FAM227B: variants seen among roughly 807,000 people sequenced by gnomAD.
The protein encoded by FAM227B is protein FAM227B.
Under a neutral mutation model 73.8 loss-of-function variants are expected in FAM227B, and 88 were observed. The ratio of observed to expected loss-of-function variants is 1.19; its 90% CI spans 1.00 to 1.42. The LOEUF (loss-of-function observed/expected upper bound fraction) is 1.42, where lower values mean the gene tolerates loss of function less well. Ranked by LOEUF, FAM227B falls within the 40% of genes most tolerant of loss-of-function variation. The pLI is 0.00. For synonymous variants in FAM227B, 210 were observed against 190.5 expected, an observed-to-expected ratio of 1.10 and a Z score of -0.84; for missense variants, 632 against 590.9, an observed-to-expected ratio of 1.07 and a Z score of -0.72.
chr15:49,609,603 G>A (rs765182439), intron 3 of FAM227B, among the ~76,000 whole-genome samples: 2 of 151,870 alleles, frequency 1.3e-5, no homozygotes, highest in Non-Finnish European at 2.9e-5. Flanking sequence ...AAGCATCTAT[G>A]TGCCTGGCAC....
intron 3 of FAM227B, among the ~76,000 whole-genome samples, chr15:49,610,420 TAAAAAA>T (rs72044107): frequency 8.4e-6 from 1 of 119,608 alleles, no homozygotes; most frequent in Non-Finnish European, 1.8e-5. Context: ...ACATTGAAAG[TAAAAAA>T]AAAAAAAAAA....
intron 13 of FAM227B, among the ~76,000 whole-genome samples, chr15:49,347,822 C>T (rs534607059): frequency 1.3e-5 from 2 of 152,010 alleles, no homozygotes; most frequent in South Asian, 2.1e-4. Flanking sequence ...AGTTCAAGAC[C>T]AGCCTGGCCA....
intron 8 of FAM227B, among the ~76,000 whole-genome samples, chr15:49,570,069 C>T (rs928519515): frequency 1.3e-5 from 2 of 151,896 alleles, no homozygotes; most frequent in African/African-American, 4.8e-5. Flanking sequence ...GATTTCCTGT[C>T]TTAGCTATTG....
intron 11 of FAM227B, among the ~76,000 whole-genome samples, chr15:49,479,361 G>T (rs1219244781): frequency 6.6e-6 from 1 of 151,880 alleles, no homozygotes; most frequent in African/African-American, 2.4e-5. Context: ...AATTTACTGG[G>T]TACTACTTAA....
At chr15:49,552,161 G>A (rs1184149087) in intron 9 of FAM227B, among the ~76,000 whole-genome samples, 1 of 152,120 alleles carries the variant, frequency 6.6e-6, no homozygotes, top group Non-Finnish European at 1.5e-5. Context: ...AGCATTTCTT[G>A]TAGGATAGGT....
intron 11 of FAM227B, among the ~76,000 whole-genome samples, chr15:49,443,911 T>C (rs572641684): frequency 1.5e-5 from 2 of 136,658 alleles, no homozygotes; most frequent in South Asian, 4.6e-4. Context: ...TGTACACTTT[T>C]TTTCCCTGAG....
intron 10 of FAM227B, among the ~76,000 whole-genome samples, chr15:49,534,214 G>A (rs1194542415): frequency 6.6e-6 from 1 of 151,750 alleles, no homozygotes; most frequent in Non-Finnish European, 1.5e-5. Flanking sequence ...ACCTCTGCAG[G>A]TAGAGCCCAA....
At chr15:49,425,333 G>C (rs751826556) in intron 11 of FAM227B, 16 of 151,860 alleles carry the variant, frequency 1.1e-4, no homozygotes, top group Non-Finnish European at 1.5e-4. Flanking sequence ...TTTTTCCCAA[G>C]AATCAGTTAT....
chr15:49,544,296 G>A (rs1429999343), intron 9 of FAM227B, among the ~76,000 whole-genome samples: 2 of 152,010 alleles, frequency 1.3e-5, no homozygotes, highest in African/African-American at 4.8e-5. Context: ...TTCTTCATTT[G>A]ATTCTCAGCT....
rs572965094 is a variant in FAM227B at position 49,501,606 on chromosome 15, C to T, written c.1012+6605G>A. 9.9e-5 allele frequency among the ~76,000 whole-genome samples: 15 copies of T among 152,256 alleles called. No homozygotes were observed. In the South Asian group the frequency reaches 1.5e-3, roughly 15 times the overall value. ...ACTTATATTTAAACAGGAAGCATAA[C>T]GTAAAAGGTTAGAAAATTGGCAGCC... On this transcript the variant is annotated intron_variant, in intron 11 of 15. Transcript: ENST00000299338.
At chr15:49,558,515 C>T (rs182878208) in intron 9 of FAM227B, among the ~76,000 whole-genome samples, 51 of 152,314 alleles carry the variant, frequency 3.3e-4, no homozygotes, top group Admixed American at 3.0e-3. Context: ...CCTACTTGAA[C>T]ATTTCATCTG....
intron 3 of FAM227B, among the ~76,000 whole-genome samples, chr15:49,606,940 T>G (rs1003142725): frequency 6.6e-6 from 1 of 152,188 alleles, no homozygotes; most frequent in Admixed American, 6.5e-5. Flanking sequence ...AGAAAGTTAG[T>G]CAACATAATT....
chr15:49,546,035 G>A (rs574533038), intron 9 of FAM227B, among the ~76,000 whole-genome samples: 50 of 151,248 alleles, frequency 3.3e-4, no homozygotes, highest in Admixed American at 3.0e-3. Flanking sequence ...GTATACATGT[G>A]CCATGTTGGT....
In FAM227B at chr15:49,611,183, T is replaced by G. The variant is rs369514390; in HGVS notation, c.105+32A>C. ...CCATAACTGATATTTTAAAATGATGTAATGGCACATAAAATAAGATGCTTT... is the reference window on the plus strand; with the variant it reads ...CCATAACTGATATTTTAAAATGATGGAATGGCACATAAAATAAGATGCTTT... On this transcript the variant is annotated intron_variant, in intron 3 of 15. Transcript: ENST00000299338. 5.8e-5 allele frequency: 77 copies of G among 1,321,722 alleles called. No homozygotes were observed. In the East Asian group the frequency reaches 1.1e-3, roughly 19 times the overall value. The allele number at this position is 1,321,722 out of a possible 1,614,324, so 81.9% of individuals were successfully genotyped here.
In FAM227B at chr15:49,495,203, C is replaced by T. The variant is rs1002603900; in HGVS notation, c.1012+13008G>A. On this transcript the variant is annotated intron_variant, in intron 11 of 15. Transcript: ENST00000299338. ...TATATCTGGGGGAGGTATTTGCAGG[C>T]GATCTTATGGTAGACATGGAAAATT... Among the ~76,000 whole-genome samples, 15 of 152,140 alleles carry T rather than the reference C, an allele frequency of 9.9e-5. No homozygotes were observed. The South Asian group carries it at 1.7e-3, about 17-fold the overall frequency.
At chr15:49,483,099 C>G (rs1597483489) in intron 11 of FAM227B, 3 of 991,588 alleles carry the variant, frequency 3.0e-6, no homozygotes, top group South Asian at 1.3e-5. Context: ...ATTCGTGGAT[C>G]ATTTGCAAAA....
At chr15:49,423,757 T>C (rs2049887460) in intron 11 of FAM227B, among the ~76,000 whole-genome samples, 1 of 152,122 alleles carries the variant, frequency 6.6e-6, no homozygotes, top group East Asian at 1.9e-4. Flanking sequence ...TTTAAATCAA[T>C]AGTTCTGAGT....
intron 11 of FAM227B, among the ~76,000 whole-genome samples, chr15:49,401,269 A>T (rs1370992449): frequency 6.6e-6 from 1 of 152,290 alleles, no homozygotes; most frequent in Non-Finnish European, 1.5e-5. Context: ...ATCACTGGCC[A>T]TCAGAGAAAT....
At chr15:49,374,407 G>C (rs997461707) in intron 11 of FAM227B, among the ~76,000 whole-genome samples, 1 of 152,096 alleles carries the variant, frequency 6.6e-6, no homozygotes, top group African/African-American at 2.4e-5. Flanking sequence ...CTTGGAGAGA[G>C]GGGTAGAAAA....
Sources: gnomAD v4.1 joint callset for allele counts (sites outside exome capture counted in the v4.1 genomes callset) on GRCh38, gnomAD v4.1.1 for gene constraint, MANE v1.5 for transcripts, NCBI Gene and HGNC (gene_info 2026-07-23, HGNC 2026-07-21) for gene names.